The following HRG variants were observed in gnomAD, a reference collection of about 807,000 sequenced individuals.
HRG encodes histidine rich glycoprotein.
HRG carries 26 observed loss-of-function variants against 29.5 expected under a neutral mutation model. The observed-to-expected ratio is 0.88, with a 90% confidence interval of 0.65 to 1.22. The LOEUF is 1.22. HRG is among the 50% of genes most tolerant of loss of function. The pLI is 0.00. For missense variants in HRG, 671 were observed against 654.5 expected (o/e 1.03, Z -0.28); for synonymous variants, 243 against 240.4 (o/e 1.01, Z -0.10).
intron 1 of HRG, chr3:186,667,118 G>A (rs1421236913): frequency 6.6e-6 from 1 of 152,206 alleles, no homozygotes; most frequent in African/African-American, 2.4e-5. Context: ...GAAGGACCCA[G>A]CAAGGCCTCT....
intron 6 of HRG, among the ~76,000 whole-genome samples, chr3:186,676,644 CAAAA>C (rs1232207708): frequency 6.8e-6 from 1 of 147,078 alleles, no homozygotes; most frequent in Non-Finnish European, 1.5e-5. Context: ...GACTATGTCT[CAAAA>C]AAAGAAAAAA....
chr3:186,666,639 G>A (rs1718618438), intron 1 of HRG, among the ~76,000 whole-genome samples: 1 of 152,208 alleles, frequency 6.6e-6, no homozygotes, highest in Non-Finnish European at 1.5e-5. Context: ...ACAAGGCCAG[G>A]CGCGGTGGCT....
intron 3 of HRG, 39 bp from the exon 4 acceptor site, chr3:186,671,584 C>G: frequency 6.2e-7 from 1 of 1,601,166 alleles, no homozygotes; most frequent in South Asian, 1.1e-5. Context: ...ATTAACATTT[C>G]CAGCCCTTTA....
chr3:186,675,095 G>T lies in HRG; in HGVS notation c.646G>T (p.Gly216Ter). 1.2e-6 allele frequency: 2 copies of T among 1,611,528 alleles called. No individual in the cohort carries two copies. The highest frequency in any genetic ancestry group is 2.2e-5 in the South Asian group (2 of 91,004). The change falls in exon 6 of 7, where the codon GGA becomes TGA. Residue 216 changes from glycine to a stop codon, truncating the protein, a stop_gained. Coordinates refer to ENST00000232003, the MANE Select transcript of HRG (RefSeq NM_000412.5). LOFTEE classifies it high-confidence loss of function. ...GCTCCTCATTCCTTTGTAGGTCTTTGGATTCTGCAGAGCAGATTTGTTCTA... is the reference window on the plus strand; with the variant it reads ...GCTCCTCATTCCTTTGTAGGTCTTTTGATTCTGCAGAGCAGATTTGTTCTA... ...HHFPRHPNVF[G>*]FCRADLFYDV... is the part of the protein sequence containing the mutation.
chr3:186,677,252 C>T lies in HRG; in HGVS notation c.947C>T (p.Pro316Leu). 2 of 1,614,110 alleles carry T rather than the reference C, an allele frequency of 1.2e-6. No homozygotes were observed. Among genetic ancestry groups the T allele is most frequent in the Non-Finnish European group, 1.7e-6 (2 of 1,180,018 alleles). The change falls in exon 7 of 7, where the codon CCT becomes CTT. Residue 316 changes from proline to leucine, a missense_variant. By Grantham distance (98) the Pro-to-Leu change is moderately conservative. Coordinates refer to ENST00000232003, the MANE Select transcript of HRG (RefSeq NM_000412.5). ...CATGGACCCCCACTTCCACAAGGCC[C>T]TCCTCCACTATTGCCCATGTCCTGC... ...HSHGPPLPQGPPPLLPMSCSS... is the reference protein window; with the variant it reads ...HSHGPPLPQGLPPLLPMSCSS...
At chr3:186,667,277 C>T (rs1718642637) in intron 1 of HRG, 1 of 152,164 alleles carries the variant, frequency 6.6e-6, no homozygotes, top group African/African-American at 2.4e-5. Context: ...AAGAAAGACA[C>T]AGGGGGAAGG....
chr3:186,673,084 T>C, intron 5 of HRG: 1 of 621,124 alleles, frequency 1.6e-6, no homozygotes, highest in Non-Finnish European at 2.9e-6. Flanking sequence ...TCTAAGTGAT[T>C]TACACATCAG....
At chr3:186,669,912 A>G (rs1718733499) in intron 2 of HRG, 26 bp from the exon 3 acceptor site, 1 of 1,217,070 alleles carries the variant, frequency 8.2e-7, no homozygotes, top group Non-Finnish European at 1.2e-6. Context: ...TGACTCAGCA[A>G]GTCCTCAAGA....
At chr3:186,670,302 C>T (rs1718746992) in intron 3 of HRG, among the ~76,000 whole-genome samples, 1 of 152,082 alleles carries the variant, frequency 6.6e-6, no homozygotes, top group Non-Finnish European at 1.5e-5. Context: ...AGGTTAGCCT[C>T]ATTATAGATA....
intron 4 of HRG, among the ~76,000 whole-genome samples, chr3:186,672,042 G>A (rs532786190): frequency 2.0e-5 from 3 of 151,874 alleles, no homozygotes; most frequent in East Asian, 3.9e-4. Flanking sequence ...AAAATCTAAA[G>A]AGGAAACAGG....
chr3:186,666,341 C>A (rs1046343084), intron 1 of HRG, 127 bp downstream of exon 1: 3 of 897,250 alleles, frequency 3.3e-6, no homozygotes, highest in Non-Finnish European at 5.4e-6. Flanking sequence ...TTGGCTTCTG[C>A]GGCTGCTCTA....
chr3:186,674,432 G>A (rs1447541406), intron 5 of HRG: 1 of 156,476 alleles, frequency 6.4e-6, no homozygotes, highest in African/African-American at 2.4e-5. Flanking sequence ...AGGAAATGGA[G>A]AAGCCAGGAT....
chr3:186,672,773 C>G lies in HRG; in HGVS notation c.559-14C>G, dbSNP rs1718843273. 1 of 1,566,620 alleles carries G rather than the reference C, an allele frequency of 6.4e-7. No individual in the cohort carries two copies. The highest frequency in any genetic ancestry group is 8.8e-7 in the Non-Finnish European group (1 of 1,137,192). ...TGTCTGTTCTTGAAACTATTTTGAT[C>G]CCATCTGTTCTAGAGAGGAGGGGAA... On this transcript the variant is annotated splice_polypyrimidine_tract_variant and intron_variant, in intron 4 of 6. Coordinates refer to ENST00000232003, the MANE Select transcript of HRG (RefSeq NM_000412.5).
At chr3:186,671,295 A>C (rs1431401781) in intron 3 of HRG, among the ~76,000 whole-genome samples, 1 of 147,986 alleles carries the variant, frequency 6.8e-6, no homozygotes, top group Non-Finnish European at 1.5e-5. Context: ...TATATAATAG[A>C]TATTATATAA....
intron 1 of HRG, among the ~76,000 whole-genome samples, chr3:186,667,908 A>G (rs967277320): frequency 1.3e-5 from 2 of 152,126 alleles, no homozygotes; most frequent in Non-Finnish European, 2.9e-5. Flanking sequence ...ATAGAGAGAC[A>G]TGAAGCCTGC....
rs757366154 is a variant in HRG at position 186,666,191 on chromosome 3, G to C, written c.160G>C (p.Ala54Pro). 24 of 1,613,878 alleles carry C rather than the reference G, an allele frequency of 1.5e-5. No individual in the cohort carries two copies. The highest frequency in any genetic ancestry group is 1.9e-5 in the Non-Finnish European group (23 of 1,179,926). ...CTACCTTTTCCAATTGCTGCGGATT[G>C]CTGATGCCCACTTGGACAGAGTGGT... Reference protein sequence around the residue: ...DGYLFQLLRIADAHLDRVENT... With the variant: ...DGYLFQLLRIPDAHLDRVENT... The change falls in exon 1 of 7, where the codon GCT (alanine) becomes CCT (proline). Residue 54 changes from alanine (A) to proline (P), a missense_variant. Ala to Pro is a conservative substitution (Grantham distance 27, BLOSUM62 -1). Transcript: ENST00000232003.
At chr3:186,667,997 A>C (rs1718666037) in intron 1 of HRG, among the ~76,000 whole-genome samples, 1 of 152,184 alleles carries the variant, frequency 6.6e-6, no homozygotes, top group Non-Finnish European at 1.5e-5. Context: ...AGTACTACAG[A>C]GGACAATTTA....
chr3:186,669,671 CT>C, intron 2 of HRG: 1 of 489,776 alleles, frequency 2.0e-6, no homozygotes, highest in Non-Finnish European at 3.7e-6. Context: ...ACTTTCACCA[CT>C]TTTTCCCTTG....
intron 1 of HRG, among the ~76,000 whole-genome samples, chr3:186,667,770 A>C (rs1016728100): frequency 6.6e-6 from 1 of 152,102 alleles, no homozygotes; most frequent in Non-Finnish European, 1.5e-5. Context: ...CAGAAGTTCC[A>C]TGTGGGCTCT....
Sources: allele counts gnomAD v4.1 joint callset (sites outside exome capture counted in the v4.1 genomes callset), GRCh38; gene constraint gnomAD v4.1.1; transcripts MANE v1.5; gene names NCBI Gene and HGNC (gene_info 2026-07-23, HGNC 2026-07-21).